The following PLAAT5 variants were observed in gnomAD, a reference collection of about 807,000 sequenced individuals.
The protein encoded by PLAAT5 is phospholipase A and acyltransferase 5, also known as Ca(2+)-independent N-acyltransferase.
A neutral mutation model predicts 27.8 loss-of-function variants in PLAAT5; 27 were observed. The ratio of observed to expected loss-of-function variants is 0.97; its 90% confidence interval spans 0.72 to 1.34. The LOEUF is 1.34. Ranked by LOEUF, PLAAT5 falls within the 40% of genes most tolerant of loss-of-function variation. The pLI is 0.00. For synonymous variants in PLAAT5, 125 were observed against 136.1 expected (o/e 0.92, Z 0.57); for missense variants, 368 against 343.8 (o/e 1.07, Z -0.56).
At chr11:63,487,178 A>G (rs2016455715) in intron 3 of PLAAT5, among the ~76,000 whole-genome samples, 1 of 152,210 alleles carries the variant, frequency 6.6e-6, no homozygotes, top group Non-Finnish European at 1.5e-5. Flanking sequence ...ATGGAGAGAA[A>G]ATATTATAAA....
Position 63,463,284 on chromosome 11 carries a change from G to A in PLAAT5, c.*219C>T. The A allele has an allele frequency of 1.7e-6, 1 of 580,776 alleles. No individual in the cohort carries two copies. Among genetic ancestry groups the A allele is most frequent in the South Asian group, 2.1e-5 (1 of 46,762 alleles). 36.0% of individuals were successfully genotyped at this position (580,776 alleles called of 1,614,324 possible). A position where few individuals can be genotyped will look rare whatever the true frequency, so the allele number is the denominator to read the frequency against. ...CTAGCACAGTGCCTGGCGCATAAGA[G>A]ATACACACTAGATACCAGATCCTTC... On this transcript the variant is annotated 3_prime_UTR_variant, in exon 6 of 6. Coordinates refer to ENST00000540857, the MANE Select transcript of PLAAT5 (RefSeq NM_001146729.2).
In PLAAT5 at chr11:63,490,350, A is replaced by C; in HGVS notation, c.149-17T>G. ...CGGATTCTTCTAATTCAAGGGGGGA[A>C]ATGCTATTTAGACCTGTGAAAGGAG... On this transcript the variant is annotated splice_polypyrimidine_tract_variant and intron_variant, in intron 1 of 5. Transcript: ENST00000540857. 2 of 1,614,110 alleles carry C rather than the reference A, an allele frequency of 1.2e-6. No individual in the cohort carries two copies. Among genetic ancestry groups the C allele is most frequent in the Non-Finnish European group, 1.7e-6 (2 of 1,180,026 alleles).
In PLAAT5 at chr11:63,466,323, G is replaced by A. The variant is rs536142453; in HGVS notation, c.504C>T (p.Ala168=). The change falls in exon 5 of 6, where the codon GCC becomes GCT. Residue 168 remains alanine, a synonymous_variant. Coordinates refer to ENST00000540857, the MANE Select transcript of PLAAT5 (RefSeq NM_001146729.2). The stretch of plus-strand genomic sequence containing the variant: ...CCTCCAGACGACTGTATTTCACCAC[G>A]GCCCGATTGCTAAAGATGGAAGTAA... ...GSITSIFSNR[A]VVKYSRLEDV... 43 of 1,614,060 alleles carry A rather than the reference G, an allele frequency of 2.7e-5. No individual in the cohort carries two copies. Among genetic ancestry groups the A allele is most frequent in the Admixed American group, 1.3e-4 (8 of 59,998 alleles).
At position 63,490,955 on chromosome 11, in the gene PLAAT5, G is replaced by A; in HGVS notation, c.80C>T (p.Ser27Leu). ...CTTGGGCCCGGTACTGGCGGTTCGC[G>A]AGGCGGGTTTGGGGAGGGGTGGGGG... is the stretch of plus-strand genomic sequence containing the variant. ...RIPPPLPKPA[S>L]RTASTGPKDQ... The change falls in exon 1 of 6, where the codon TCG becomes TTG. Residue 27 changes from serine (S) to leucine (L), a missense_variant. Physicochemically the swap from Ser to Leu is moderately radical, Grantham distance 145 (BLOSUM62 -2). Coordinates refer to ENST00000540857, the MANE Select transcript of PLAAT5 (RefSeq NM_001146729.2). 1 of 1,595,514 alleles carries A rather than the reference G, an allele frequency of 6.3e-7. No homozygotes were observed. Among genetic ancestry groups the A allele is most frequent in the South Asian group, 1.1e-5 (1 of 88,776 alleles).
intron 5 of PLAAT5, among the ~76,000 whole-genome samples, chr11:63,465,608 T>C (rs1426109222): frequency 2.6e-5 from 4 of 151,892 alleles, no homozygotes; most frequent in East Asian, 1.9e-4. Context: ...CTGGGCAACA[T>C]AGCAAAACCA....
Position 63,469,378 on chromosome 11 carries a change from T to C in PLAAT5, c.346-913A>G, listed in dbSNP as rs538799191. The C allele has an allele frequency of 1.4e-3, 344 of 248,366 alleles. 1 individual carries two copies. Among genetic ancestry groups the C allele is most frequent in the South Asian group, 9.9e-3 (148 of 14,878 alleles). The allele number at this position is 248,366 out of a possible 1,614,324, so 15.4% of individuals were successfully genotyped here. On this transcript the variant is annotated intron_variant, in intron 3 of 5. Transcript: ENST00000540857. ...GACTCCGCTGGAAGCCTAGAAATGG[T>C]ATTGCTGTCTCTAAGCCAGACCTGA...
intron 3 of PLAAT5, among the ~76,000 whole-genome samples, chr11:63,483,143 C>T (rs1590624636): frequency 6.6e-6 from 1 of 152,130 alleles, no homozygotes; most frequent in South Asian, 2.1e-4. Context: ...AGATAGATGG[C>T]AACACAGTAA....
In PLAAT5 at chr11:63,474,249, T is replaced by G. The variant is rs374186532; in HGVS notation, c.346-5784A>C. Among the ~76,000 whole-genome samples the G allele has an allele frequency of 5.3e-5, 8 of 152,192 alleles. No homozygotes were observed. The South Asian group carries it at 1.7e-3, about 31-fold the overall frequency. On this transcript the variant is annotated intron_variant, in intron 3 of 5. Transcript: ENST00000540857. ...AGTTGGGAAGCATTTCTTCCTCTAT[T>G]TTCAGAAAGAGTTTATGAAAGATTG...
At chr11:63,483,815 A>ACACACATATATATATG (rs2016358732) in intron 3 of PLAAT5, among the ~76,000 whole-genome samples, 1 of 101,652 alleles carries the variant, frequency 9.8e-6, no homozygotes, top group African/African-American at 3.9e-5. Flanking sequence ...ATATATATAT[A>ACACACATATATATATG]TATATATATA....
chr11:63,483,826 T>A (rs1282874897), intron 3 of PLAAT5, among the ~76,000 whole-genome samples: 21 of 110,408 alleles, frequency 1.9e-4, no homozygotes, highest in African/African-American at 5.7e-4. Flanking sequence ...TATATATATA[T>A]ATATATATAT....
intron 3 of PLAAT5, chr11:63,470,817 A>G (rs2016004705): frequency 6.6e-6 from 1 of 152,208 alleles, no homozygotes; most frequent in African/African-American, 2.4e-5. Flanking sequence ...GAGAATTCAT[A>G]CTTAATGAAA....
chr11:63,487,529 G>T (rs1182282937), intron 3 of PLAAT5, among the ~76,000 whole-genome samples: 1 of 151,766 alleles, frequency 6.6e-6, no homozygotes, highest in Admixed American at 6.6e-5. Flanking sequence ...AGCTCTTTTA[G>T]AATTTGTCTG....
chr11:63,463,448 A>G lies in PLAAT5; in HGVS notation c.*55T>C. The G allele has an allele frequency of 7.6e-6, 10 of 1,319,440 alleles. No homozygotes were observed. Among genetic ancestry groups the G allele is most frequent in the African/African-American group, 1.4e-5 (1 of 69,354 alleles). 81.7% of individuals were successfully genotyped at this position (1,319,440 alleles called of 1,614,324 possible). On this transcript the variant is annotated 3_prime_UTR_variant, in exon 6 of 6. Transcript: ENST00000540857. Reference sequence around the variant, plus strand: ...TTGAGAGAAGGCAAGGGAAGGAAGCATGTTCTTTTTGCTTGTGTCAGTAAC... The same window carrying G: ...TTGAGAGAAGGCAAGGGAAGGAAGCGTGTTCTTTTTGCTTGTGTCAGTAAC...
chr11:63,481,256 A>T (rs1404838402), intron 3 of PLAAT5, among the ~76,000 whole-genome samples: 1 of 152,150 alleles, frequency 6.6e-6, no homozygotes, highest in Non-Finnish European at 1.5e-5. Flanking sequence ...CCTGGCCAAT[A>T]TGGCAAAACC....
rs2015742821 is a variant in PLAAT5 at position 63,462,428 on chromosome 11, T to TC, written c.*1074_*1075insG. On this transcript the variant is annotated 3_prime_UTR_variant, in exon 6 of 6. Coordinates refer to ENST00000540857, the MANE Select transcript of PLAAT5 (RefSeq NM_001146729.2). ...TGTTGGGGAACAGGAGGCCATTGAG[T>TC]TTAGATTGCTAAGAAAAGGATGGAG... 2 of 152,252 alleles carry TC rather than the reference T, an allele frequency of 1.3e-5. No individual in the cohort carries two copies. Among genetic ancestry groups the TC allele is most frequent in the Middle Eastern group, 3.4e-3 (1 of 294 alleles). 9.4% of individuals were successfully genotyped at this position (152,252 alleles called of 1,614,324 possible).
intron 4 of PLAAT5, among the ~76,000 whole-genome samples, chr11:63,466,624 TCCCATGTGG>T (rs1283929302): frequency 6.6e-6 from 1 of 152,128 alleles, no homozygotes. Context: ...TGGAGCACCT[TCCCATGTGG>T]TCCCAGACTG....
chr11:63,479,056 C>T (rs2016221595), intron 3 of PLAAT5, among the ~76,000 whole-genome samples: 1 of 152,206 alleles, frequency 6.6e-6, no homozygotes, highest in South Asian at 2.1e-4. Context: ...AGACTTCAAA[C>T]TGGACTTCAT....
chr11:63,483,830 T>TATATATATATATATAC (rs1565215381), intron 3 of PLAAT5, among the ~76,000 whole-genome samples: 1 of 116,026 alleles, frequency 8.6e-6, no homozygotes, highest in Non-Finnish European at 1.8e-5. Context: ...TATATATATA[T>TATATATATATATATAC]ATATATATAT....
At position 63,486,913 on chromosome 11, in the gene PLAAT5, C is replaced by T. The variant is rs143046848; in HGVS notation, c.345+1958G>A. On this transcript the variant is annotated intron_variant, in intron 3 of 5. Coordinates refer to ENST00000540857, the MANE Select transcript of PLAAT5 (RefSeq NM_001146729.2). ...AAAATCTTTGTGACACTGGATTAGG[C>T]AAAGGTCTCTTAGATACACCACCAA... is the stretch of plus-strand genomic sequence containing the variant. Among the ~76,000 whole-genome samples the T allele has an allele frequency of 3.9e-3, 594 of 152,280 alleles. 5 individuals are homozygous for T. Among genetic ancestry groups the T allele is most frequent in the Middle Eastern group, 6.8e-3 (2 of 294 alleles).
Sources: allele counts gnomAD v4.1 joint callset (sites outside exome capture counted in the v4.1 genomes callset), GRCh38; gene constraint gnomAD v4.1.1; transcripts MANE v1.5; gene names NCBI Gene and HGNC (gene_info 2026-07-23, HGNC 2026-07-21).